GRAMD2B: variants seen among roughly 807,000 people sequenced by gnomAD.
GRAMD2B encodes GRAM domain containing 2B.
In GRAMD2B, 41 loss-of-function variants were observed where a neutral mutation model predicts 59.2. The observed-to-expected ratio is 0.69, with a 90% CI of 0.54 to 0.90. The LOEUF (loss-of-function observed/expected upper bound fraction) is 0.90. GRAMD2B is among the 40% of genes least tolerant of loss of function. The pLI is 0.00. For missense variants in GRAMD2B, 424 were observed against 500.5 expected (o/e 0.85, Z 1.46); for synonymous variants, 161 against 182.7 (o/e 0.88, Z 0.96).
At chr5:126,491,766 C>T (rs1261514135) in intron 13 of GRAMD2B, among the ~76,000 whole-genome samples, 1 of 151,708 alleles carries the variant, frequency 6.6e-6, no homozygotes, top group African/African-American at 2.4e-5. Flanking sequence ...CAGAGTCTTG[C>T]TCTGTCACCC....
intron 1 of GRAMD2B, among the ~76,000 whole-genome samples, chr5:126,375,034 T>C (rs892050573): frequency 6.6e-6 from 1 of 152,228 alleles, no homozygotes; most frequent in African/African-American, 2.4e-5. Flanking sequence ...AATATACCAA[T>C]TCATAAACAT....
rs373105148 is a variant in GRAMD2B, at chr5:126,473,380, TAA to T, written c.486+22_486+23del. ...GAAAAGACACAAAGGTTGGTATAAT[TAA>T]AAAAAAAAATGCTAACCCTATACTT... On this transcript the variant is annotated intron_variant, in intron 5 of 13. Coordinates refer to ENST00000285689, the MANE Select transcript of GRAMD2B (RefSeq NM_023927.4). The T allele has an allele frequency of 1.7e-4, 157 of 904,876 alleles. No homozygotes were observed. Among genetic ancestry groups the T allele is most frequent in the South Asian group, 4.3e-4 (23 of 53,546 alleles). 56.1% of individuals were successfully genotyped at this position (904,876 alleles called of 1,614,324 possible).
intron 1 of GRAMD2B, among the ~76,000 whole-genome samples, chr5:126,399,805 TG>T (rs774198986): frequency 2.6e-5 from 4 of 152,204 alleles, no homozygotes; most frequent in Non-Finnish European, 5.9e-5. Context: ...TGCTTTCTTT[TG>T]GTTACCATTT....
chr5:126,481,146 G>A (rs187450633), intron 8 of GRAMD2B, among the ~76,000 whole-genome samples: 10 of 138,076 alleles, frequency 7.2e-5, no homozygotes, highest in South Asian at 2.3e-4. Flanking sequence ...TGCCTTCAGA[G>A]ACTTCACAAC....
In GRAMD2B at chr5:126,423,469, T is replaced by G; in HGVS notation, c.-138T>G. On this transcript the variant is annotated 5_prime_UTR_variant, in exon 1 of 14. Transcript: ENST00000285689. ...CCCGGGAGCTTGGCGCGGCCCGGCC[T>G]GGATGCGCTGGGCGGAGGGTGCAGG... The G allele has an allele frequency of 1.4e-6, 2 of 1,445,372 alleles. No homozygotes were observed. Among genetic ancestry groups the G allele is most frequent in the Non-Finnish European group, 1.8e-6 (2 of 1,104,956 alleles). The allele number at this position is 1,445,372 out of a possible 1,614,324, so 89.5% of individuals were successfully genotyped here.
At chr5:126,371,400 G>C in exon 1 of GRAMD2B, 7 of 1,259,384 alleles carry the variant, frequency 5.6e-6, no homozygotes, top group Non-Finnish European at 7.2e-6. Flanking sequence ...TCAGAAATGA[G>C]CTTTTAAGGT....
chr5:126,480,863 G>A, intron 8 of GRAMD2B, 156 bp downstream of exon 8: 3 of 634,816 alleles, frequency 4.7e-6, no homozygotes, highest in East Asian at 2.7e-5. Context: ...TTGAAGAAGA[G>A]GAAACCATAG....
chr5:126,477,936 A>T, intron 6 of GRAMD2B, 149 bp downstream of exon 6: 1 of 613,512 alleles, frequency 1.6e-6, no homozygotes, highest in Non-Finnish European at 2.9e-6. Flanking sequence ...GACTAATTTT[A>T]AAAATTATAG....
chr5:126,456,978 G>A (rs1766395358), intron 1 of GRAMD2B, among the ~76,000 whole-genome samples: 1 of 150,186 alleles, frequency 6.7e-6, no homozygotes, highest in South Asian at 2.1e-4. Context: ...AGATCACAAG[G>A]TCAGGAGATC....
rs562362526 is a variant in GRAMD2B at position 126,374,475 on chromosome 5, T to C, written c.125+2908T>C. Among the ~76,000 whole-genome samples the C allele has an allele frequency of 6.6e-5, 10 of 152,330 alleles. No homozygotes were observed. The South Asian group carries it at 2.1e-3, about 32-fold the overall frequency. On this transcript the variant is annotated intron_variant, in intron 1 of 8. Transcript: ENST00000506445. ...TACTCCAGACGCTGATCTTTTGTTA[T>C]GTGTTGCAAGTATTTTATTCCAACA...
chr5:126,374,909 C>G (rs1040224390), intron 1 of GRAMD2B, among the ~76,000 whole-genome samples: 1 of 152,074 alleles, frequency 6.6e-6, no homozygotes, highest in South Asian at 2.1e-4. Context: ...TTACGTTGAC[C>G]CTTTGTTCTT....
At chr5:126,454,160 C>A (rs570666583) in intron 1 of GRAMD2B, among the ~76,000 whole-genome samples, 41 of 152,218 alleles carry the variant, frequency 2.7e-4, no homozygotes, top group African/African-American at 9.6e-4. Flanking sequence ...ACAGAGAATT[C>A]CTTTTGAAAA....
intron 1 of GRAMD2B, among the ~76,000 whole-genome samples, chr5:126,415,876 T>C (rs921870692): frequency 1.3e-5 from 2 of 152,170 alleles, no homozygotes; most frequent in Non-Finnish European, 2.9e-5. Context: ...ATAAAAAGTA[T>C]ACAAGTGATA....
In GRAMD2B at chr5:126,465,519, A is replaced by C; in HGVS notation, c.177A>C (p.Pro59=). 6.2e-7 allele frequency: 1 copy of C among 1,613,988 alleles called. No homozygotes were observed. The highest frequency in any genetic ancestry group is 1.7e-5 in the Admixed American group (1 of 59,974). ...SPTPSVEADS[P]DQKKIISLWS... ...CCCCATCTGTGGAGGCGGACTCCCCAGACCAGAAGAAAATCATTAGCCTAT... is the reference window on the plus strand; with the variant it reads ...CCCCATCTGTGGAGGCGGACTCCCCCGACCAGAAGAAAATCATTAGCCTAT... The change falls in exon 2 of 14, where the codon CCA becomes CCC. Residue 59 remains proline, a synonymous_variant. Coordinates refer to ENST00000285689, the MANE Select transcript of GRAMD2B (RefSeq NM_023927.4).
At chr5:126,401,008 T>A (rs186225986) in intron 1 of GRAMD2B, among the ~76,000 whole-genome samples, 4 of 152,238 alleles carry the variant, frequency 2.6e-5, no homozygotes, top group Admixed American at 2.6e-4. Flanking sequence ...TTTCAGCCAA[T>A]TTTTTAAAAA....
chr5:126,477,246 G>A (rs929403940), intron 5 of GRAMD2B, among the ~76,000 whole-genome samples: 1 of 152,166 alleles, frequency 6.6e-6, no homozygotes, highest in Non-Finnish European at 1.5e-5. Context: ...CAAGAATTCA[G>A]GTCCCAGATT....
chr5:126,442,919 G>A (rs896834120), intron 1 of GRAMD2B, among the ~76,000 whole-genome samples: 5 of 152,010 alleles, frequency 3.3e-5, no homozygotes, highest in African/African-American at 1.2e-4. Flanking sequence ...TTTGATTTTG[G>A]ATAATGTATC....
Position 126,483,519 on chromosome 5 carries a change from C to T in GRAMD2B, c.792C>T (p.Asp264=), listed in dbSNP as rs949829503. The T allele has an allele frequency of 1.5e-5, 24 of 1,613,040 alleles. No homozygotes were observed. Among genetic ancestry groups the T allele is most frequent in the East Asian group, 2.2e-5 (1 of 44,864 alleles). Residue 264 remains aspartate (D), a synonymous_variant, in exon 9 of 14, where the codon GAC becomes GAT. Transcript: ENST00000285689. ...GAGTGGTTCAACAAAGAAGGCAAGA[C>T]ATGGAAGGATATAGCAGTTCTGGTT... ...LDGVVQQRRQ[D]MEGYSSSGSQ... is the part of the protein sequence containing the mutation.
chr5:126,451,441 T>C (rs374704366), intron 1 of GRAMD2B, among the ~76,000 whole-genome samples: 3 of 152,194 alleles, frequency 2.0e-5, no homozygotes, highest in South Asian at 4.1e-4. Flanking sequence ...GTTTCAGACC[T>C]GTGTGGGGCC....
Sources: gnomAD v4.1 joint callset for allele counts (sites outside exome capture counted in the v4.1 genomes callset) on GRCh38, gnomAD v4.1.1 for gene constraint, MANE v1.5 for transcripts, NCBI Gene and HGNC (gene_info 2026-07-23, HGNC 2026-07-21) for gene names.